Variants in KIF1B observed in about 807,000 individuals in gnomAD.
The protein encoded by KIF1B is kinesin family member 1B.
A neutral mutation model predicts 241.9 loss-of-function variants in KIF1B; 76 were observed. The ratio of observed to expected loss-of-function variants is 0.31; its 90% confidence interval spans 0.26 to 0.38. KIF1B has a LOEUF of 0.38. KIF1B is among the 10% of genes least tolerant of loss of function. The pLI is 1.00. For missense variants in KIF1B, 1,622 were observed against 2,271.4 expected, an observed-to-expected ratio of 0.71 and a Z score of 5.81; for synonymous variants, 750 against 796.7, an observed-to-expected ratio of 0.94 and a Z score of 0.99.
Position 10,337,779 on chromosome 1 carries a change from G to A in KIF1B, c.3422+246G>A, listed in dbSNP as rs926226917. On this transcript the variant is annotated intron_variant, in intron 31 of 48. Coordinates refer to ENST00000676179, the MANE Select transcript of KIF1B (RefSeq NM_001365951.3). This position sits in a 1 kb window ranked among gnomAD's most constrained non-coding sequence, Gnocchi z 4.0. ...CCTGCTGCAGGGCTCTGCTGTGAGCGGTCCCCCTTTACCAGGAATGTAGGG... is the reference window on the plus strand; with the variant it reads ...CCTGCTGCAGGGCTCTGCTGTGAGCAGTCCCCCTTTACCAGGAATGTAGGG... Among the ~76,000 whole-genome samples, 4 of 152,110 alleles carry A rather than the reference G, an allele frequency of 2.6e-5. No individual in the cohort carries two copies. Among genetic ancestry groups the A allele is most frequent in the African/African-American group, 7.2e-5 (3 of 41,416 alleles).
At chr1:10,291,471 G>A (rs899590741) in intron 16 of KIF1B, among the ~76,000 whole-genome samples, 1 of 152,134 alleles carries the variant, frequency 6.6e-6, no homozygotes, top group Non-Finnish European at 1.5e-5. Context: ...AGCACTTTGG[G>A]AGGCTGAGGT....
chr1:10,232,562 T>C (rs1418317500), intron 2 of KIF1B, 128 bp downstream of exon 2: 21 of 714,116 alleles, frequency 2.9e-5, no homozygotes, highest in Non-Finnish European at 3.3e-5. Flanking sequence ...TTCTGAATGA[T>C]CCATTGAATG....
At chr1:10,323,579 A>G (rs1651606488) in intron 24 of KIF1B, among the ~76,000 whole-genome samples, 2 of 152,316 alleles carry the variant, frequency 1.3e-5, no homozygotes, top group African/African-American at 4.8e-5. Context: ...CTGTGATTGC[A>G]TCACTGCACC....
At chr1:10,298,286 G>A (rs116187888) in intron 22 of KIF1B, among the ~76,000 whole-genome samples, 2,854 of 152,274 alleles carry the variant, frequency 0.019, 40 homozygotes, top group Non-Finnish European at 0.028. Flanking sequence ...GTAAACTACA[G>A]CCTTCTAGTC....
chr1:10,318,051 A>C (rs1183991927), intron 22 of KIF1B, among the ~76,000 whole-genome samples: 1 of 151,396 alleles, frequency 6.6e-6, no homozygotes, highest in African/African-American at 2.5e-5. Flanking sequence ...CAGGACCCCA[A>C]ACCCAAGCCT....
rs925832023 is a variant in KIF1B at position 10,332,190 on chromosome 1, C to T, written c.2925-2330C>T. Among the ~76,000 whole-genome samples, 58 of 151,876 alleles carry T rather than the reference C, an allele frequency of 3.8e-4. 1 individual carries two copies. The highest frequency in any genetic ancestry group is 6.2e-4 in the Non-Finnish European group (42 of 67,936). The stretch of plus-strand genomic sequence containing the variant: ...AGCGATTCTCCTGCCTCGGCGCCCC[C>T]GAGTAGCTGGGATTATAGGTGCCTG... On this transcript the variant is annotated intron_variant, in intron 27 of 48. Transcript: ENST00000676179.
In KIF1B at chr1:10,332,086, C is replaced by T. The variant is rs140883800; in HGVS notation, c.2925-2434C>T. On this transcript the variant is annotated intron_variant, in intron 27 of 48. Coordinates refer to ENST00000676179, the MANE Select transcript of KIF1B (RefSeq NM_001365951.3). ...TCTTTTTTCTTTTTTTCTCTTGAGA[C>T]GAAGTCTTGCTCTTGTCCCCCAGGC... Among the ~76,000 whole-genome samples the T allele has an allele frequency of 1.1e-3, 163 of 148,522 alleles. 3 individuals are homozygous for T. In the East Asian group the frequency reaches 0.028, roughly 25 times the overall value.
intron 1 of KIF1B, among the ~76,000 whole-genome samples, chr1:10,215,166 A>ATT (rs1646749743): frequency 1.2e-4 from 7 of 57,630 alleles, no homozygotes; most frequent in Non-Finnish European, 1.5e-4. Context: ...ATATATATAT[A>ATT]TATATATTTT....
At chr1:10,225,028 A>T (rs905216487) in intron 1 of KIF1B, among the ~76,000 whole-genome samples, 1 of 152,192 alleles carries the variant, frequency 6.6e-6, no homozygotes, top group African/African-American at 2.4e-5. Context: ...TTGCACTTCT[A>T]TGAAACTCTG....
Position 10,374,595 on chromosome 1 carries a change from T to C in KIF1B, c.5096+130T>C. On this transcript the variant is annotated intron_variant, in intron 46 of 48. Coordinates refer to ENST00000676179, the MANE Select transcript of KIF1B (RefSeq NM_001365951.3). The surrounding 1 kb of genome is among the most constrained non-coding windows in gnomAD (Gnocchi z 4.3). ...ATCTGTACTGTAGTCTGATGCAAGT[T>C]GAGTCTGGGGTGAGAGGGCCAGCCT... The C allele has an allele frequency of 1.7e-6, 2 of 1,195,302 alleles. No individual in the cohort carries two copies. Among genetic ancestry groups the C allele is most frequent in the Non-Finnish European group, 2.4e-6 (2 of 816,980 alleles). 74.0% of individuals were successfully genotyped at this position (1,195,302 alleles called of 1,614,324 possible).
chr1:10,325,341 C>G (rs566488553), intron 26 of KIF1B, among the ~76,000 whole-genome samples: 1 of 152,194 alleles, frequency 6.6e-6, no homozygotes, highest in African/African-American at 2.4e-5. Context: ...TTGGTAGTCC[C>G]CTTCAGCCTC....
At chr1:10,300,824 A>C in intron 22 of KIF1B, among the ~76,000 whole-genome samples, 1 of 152,232 alleles carries the variant, frequency 6.6e-6, no homozygotes, top group Non-Finnish European at 1.5e-5. Context: ...AAAAACTAAA[A>C]ATGAAAAGAA....
chr1:10,305,393 T>C (rs1350274393), intron 22 of KIF1B: 1 of 1,053,962 alleles, frequency 9.5e-7, no homozygotes, highest in Non-Finnish European at 1.1e-6. Flanking sequence ...CATTTTGAAG[T>C]TCAATGTATC....
intron 24 of KIF1B, among the ~76,000 whole-genome samples, chr1:10,323,164 A>G (rs1193336691): frequency 6.6e-6 from 1 of 152,152 alleles, no homozygotes; most frequent in Non-Finnish European, 1.5e-5. Context: ...GCCCAGCCAA[A>G]TAAATGCTTT....
intron 22 of KIF1B, among the ~76,000 whole-genome samples, chr1:10,301,049 G>GT (rs1266716790): frequency 6.6e-6 from 1 of 152,104 alleles, no homozygotes; most frequent in Non-Finnish European, 1.5e-5. Context: ...CAAATCTTTG[G>GT]TTTTGTCAGG....
chr1:10,272,631 A>G (rs1337720962), intron 9 of KIF1B, among the ~76,000 whole-genome samples: 1 of 150,922 alleles, frequency 6.6e-6, no homozygotes, highest in African/African-American at 2.4e-5. Flanking sequence ...TTCCTGTATA[A>G]TCTTTTCTGA....
At chr1:10,243,334 G>A (rs1270803112) in intron 2 of KIF1B, among the ~76,000 whole-genome samples, 1 of 152,172 alleles carries the variant, frequency 6.6e-6, no homozygotes, top group Non-Finnish European at 1.5e-5. Flanking sequence ...TGGGAAGAAC[G>A]CTTAAACCTG....
intron 2 of KIF1B, among the ~76,000 whole-genome samples, chr1:10,232,838 C>G (rs1647000072): frequency 6.6e-6 from 1 of 152,124 alleles, no homozygotes; most frequent in African/African-American, 2.4e-5. Context: ...TAGAACTTTT[C>G]AGTGATTCTT....
At chr1:10,261,831 C>T in intron 4 of KIF1B, 74 bp from the exon 5 acceptor site, 1 of 898,344 alleles carries the variant, frequency 1.1e-6, no homozygotes, top group Non-Finnish European at 1.9e-6. Context: ...CTGGCTAATT[C>T]ATTGAGCACG....
Sources: allele counts gnomAD v4.1 joint callset (sites outside exome capture counted in the v4.1 genomes callset), GRCh38; gene constraint gnomAD v4.1.1; non-coding constraint Gnocchi (gnomAD v3.1); transcripts MANE v1.5; gene names NCBI Gene and HGNC (gene_info 2026-07-23, HGNC 2026-07-21).